Variants in C12orf54 observed in about 807,000 individuals in gnomAD.
C12orf54 encodes chromosome 12 open reading frame 54.
A neutral mutation model predicts 26.4 loss-of-function variants in C12orf54; 24 were observed. The ratio of observed to expected loss-of-function variants is 0.91; its 90% confidence interval spans 0.66 to 1.28. The LOEUF is 1.28. C12orf54 is among the 50% of genes most tolerant of loss of function. The probability of loss-of-function intolerance (pLI) is 0.00; values close to 1 mark genes in which losing one functional copy is unlikely to be tolerated. For synonymous variants in C12orf54, 54 were observed against 47.0 expected, an observed-to-expected ratio of 1.15 and a Z score of -0.61; for missense variants, 154 against 150.9, an observed-to-expected ratio of 1.02 and a Z score of -0.11.
At chr12:48,472,369 G>T in the C12orf54 span, among the ~76,000 whole-genome samples, 1 of 152,164 alleles carries the variant, frequency 6.6e-6, no homozygotes, top group Non-Finnish European at 1.5e-5. Flanking sequence ...GCCTAGAGAT[G>T]ATGAGAAGTG....
upstream of C12orf54, among the ~76,000 whole-genome samples, chr12:48,477,824 G>A (rs1954159353): frequency 6.6e-6 from 1 of 152,010 alleles, no homozygotes; most frequent in South Asian, 2.1e-4. Flanking sequence ...AGGTACAAAG[G>A]GGAGATGATC....
chr12:48,420,534 T>TG, the C12orf54 span, among the ~76,000 whole-genome samples: 49 of 152,316 alleles, frequency 3.2e-4, no homozygotes, highest in African/African-American at 1.1e-3. Flanking sequence ...CTTAAGGACC[T>TG]GGGAACCATC....
chr12:48,480,314 T>C (rs1187738848), upstream of C12orf54, among the ~76,000 whole-genome samples: 1 of 152,206 alleles, frequency 6.6e-6, no homozygotes, highest in Non-Finnish European at 1.5e-5. Flanking sequence ...GTTGTTTGGT[T>C]TTTTCTTGTT....
At chr12:48,463,200 A>G in the C12orf54 span, among the ~76,000 whole-genome samples, 3 of 152,038 alleles carry the variant, frequency 2.0e-5, no homozygotes, top group East Asian at 3.9e-4. Flanking sequence ...AAGATTGTAC[A>G]TTGAAAACTA....
chr12:48,465,112 T>A, the C12orf54 span, among the ~76,000 whole-genome samples: 1 of 152,070 alleles, frequency 6.6e-6, no homozygotes, highest in Admixed American at 6.6e-5. Flanking sequence ...AAAGAAACTA[T>A]CAACAGAGTA....
the C12orf54 span, among the ~76,000 whole-genome samples, chr12:48,423,166 G>A: frequency 6.6e-6 from 1 of 152,042 alleles, no homozygotes; most frequent in Non-Finnish European, 1.5e-5. Flanking sequence ...GAAGATATTA[G>A]AAGAGAACAT....
chr12:48,489,033 G>T, intron 5 of C12orf54, 77 bp downstream of exon 5: 1 of 1,381,232 alleles, frequency 7.2e-7, no homozygotes. Context: ...TTACCCTACT[G>T]AGATGTTGCC....
the C12orf54 span, among the ~76,000 whole-genome samples, chr12:48,454,992 G>A: frequency 3.3e-5 from 5 of 152,182 alleles, no homozygotes; most frequent in South Asian, 8.3e-4. Flanking sequence ...GGGTACCTGT[G>A]CAGGTTTGTT....
intron 2 of C12orf54, among the ~76,000 whole-genome samples, chr12:48,484,138 T>C (rs1032645513): frequency 7.9e-5 from 12 of 152,310 alleles, no homozygotes; most frequent in African/African-American, 2.4e-4. Flanking sequence ...GAGGTTGCGG[T>C]GAGCCGGGAT....
At chr12:48,449,553 A>G in the C12orf54 span, among the ~76,000 whole-genome samples, 1 of 152,138 alleles carries the variant, frequency 6.6e-6, no homozygotes, top group Non-Finnish European at 1.5e-5. Context: ...TTTAGTCCTC[A>G]TTTCTAAAAT....
chr12:48,418,169 G>A, the C12orf54 span, among the ~76,000 whole-genome samples: 8 of 152,164 alleles, frequency 5.3e-5, no homozygotes, highest in African/African-American at 1.9e-4. Flanking sequence ...GATCACGTTG[G>A]GAATAGGGAT....
the C12orf54 span, chr12:48,417,290 A>T: frequency 6.6e-6 from 1 of 152,244 alleles, no homozygotes; most frequent in African/African-American, 2.4e-5. Flanking sequence ...CTGTTAGTAG[A>T]CACCCCAAGA....
the C12orf54 span, among the ~76,000 whole-genome samples, chr12:48,457,820 G>A: frequency 2.0e-5 from 3 of 152,186 alleles, no homozygotes; most frequent in South Asian, 6.2e-4. Context: ...GGGAGAAGCA[G>A]CTATGAGGCC....
At chr12:48,439,908 T>TA in the C12orf54 span, among the ~76,000 whole-genome samples, 2 of 151,600 alleles carry the variant, frequency 1.3e-5, no homozygotes, top group East Asian at 1.9e-4. Flanking sequence ...AATAATAAAA[T>TA]AAAAAAATAA....
chr12:48,433,606 C>T, the C12orf54 span, among the ~76,000 whole-genome samples: 1 of 152,096 alleles, frequency 6.6e-6, no homozygotes, highest in Non-Finnish European at 1.5e-5. Context: ...CACCACCACC[C>T]CTGGCTAATT....
At chr12:48,491,762 A>G (rs751506107) in intron 6 of C12orf54, among the ~76,000 whole-genome samples, 5 of 152,222 alleles carry the variant, frequency 3.3e-5, no homozygotes, top group Non-Finnish European at 5.9e-5. Flanking sequence ...CAGAAAAGCC[A>G]TATCTGGAAC....
chr12:48,448,699 G>A, the C12orf54 span, among the ~76,000 whole-genome samples: 2 of 152,166 alleles, frequency 1.3e-5, no homozygotes, highest in East Asian at 3.8e-4. Context: ...TCAATACAAT[G>A]TTTAGTTGTA....
At chr12:48,454,416 C>G in the C12orf54 span, among the ~76,000 whole-genome samples, 2 of 151,972 alleles carry the variant, frequency 1.3e-5, no homozygotes, top group Non-Finnish European at 2.9e-5. Flanking sequence ...TTCTTTAATT[C>G]GATTAATCAG....
At chr12:48,451,385 A>T in the C12orf54 span, among the ~76,000 whole-genome samples, 3 of 152,184 alleles carry the variant, frequency 2.0e-5, no homozygotes, top group Non-Finnish European at 4.4e-5. Flanking sequence ...CCAATATCAT[A>T]CTGAATGGGC....
Sources: gnomAD v4.1 joint callset for allele counts (sites outside exome capture counted in the v4.1 genomes callset) on GRCh38, gnomAD v4.1.1 for gene constraint, MANE v1.5 for transcripts, NCBI Gene and HGNC (gene_info 2026-07-23, HGNC 2026-07-21) for gene names.